Variants in NFIA observed in about 807,000 individuals in gnomAD.
NFIA encodes the protein nuclear factor 1 A-type.
In NFIA, 8 loss-of-function variants were observed where a neutral mutation model predicts 62.8. That is an observed-to-expected ratio of 0.13 (90% CI 0.07 to 0.23). NFIA has a LOEUF of 0.23. NFIA is among the 10% of genes least tolerant of loss of function. The pLI is 1.00. For synonymous variants in NFIA, 235 were observed against 238.1 expected (o/e 0.99, Z 0.12); for missense variants, 410 against 642.1 (o/e 0.64, Z 3.91).
At chr1:61,326,647 C>T (rs891226818) in intron 3 of NFIA, among the ~76,000 whole-genome samples, 2 of 152,136 alleles carry the variant, frequency 1.3e-5, no homozygotes, top group African/African-American at 2.4e-5. Flanking sequence ...GTTACAATCA[C>T]GTACGGCAGG....
chr1:61,234,457 T>C (rs1490134216), intron 2 of NFIA, among the ~76,000 whole-genome samples: 1 of 151,888 alleles, frequency 6.6e-6, no homozygotes, highest in Non-Finnish European at 1.5e-5. Flanking sequence ...CCTTGCGTTA[T>C]GCGGGTATAC....
At chr1:61,376,741 G>A (rs1664168028) in intron 6 of NFIA, among the ~76,000 whole-genome samples, 1 of 152,086 alleles carries the variant, frequency 6.6e-6, no homozygotes, top group South Asian at 2.1e-4. Flanking sequence ...GTATACTAGG[G>A]AAACTACATG....
At position 61,220,857 on chromosome 1, in the gene NFIA, T is replaced by A. The variant is rs546912095; in HGVS notation, c.560-56663T>A. Among the ~76,000 whole-genome samples the A allele has an allele frequency of 2.0e-5, 3 of 152,328 alleles. No individual in the cohort carries two copies. In the South Asian group the frequency reaches 6.2e-4, roughly 32 times the overall value. ...GTAAGTATATTTGAGGTTTAAAAAG[T>A]GTTTTTATTTACATTCTTCTGTTGG... On this transcript the variant is annotated intron_variant, in intron 2 of 10. Transcript: ENST00000403491.
rs924105839 is a variant in NFIA, at chr1:61,459,412, G to T, written c.*4092G>T. On this transcript the variant is annotated 3_prime_UTR_variant, in exon 11 of 11. Coordinates refer to ENST00000403491, the MANE Select transcript of NFIA (RefSeq NM_001134673.4). ...TTTTCTGATCATTCGTGCGCAGAGG[G>T]CCTCCCAGTAATGCCACGCTCTCCA... 1 of 152,246 alleles carries T rather than the reference G, an allele frequency of 6.6e-6. No individual in the cohort carries two copies. Among genetic ancestry groups the T allele is most frequent in the Admixed American group, 6.5e-5 (1 of 15,270 alleles). The allele number at this position is 152,246 out of a possible 1,614,324, so 9.4% of individuals were successfully genotyped here.
chr1:61,083,231 C>T (rs1005159915), intron 1 of NFIA, among the ~76,000 whole-genome samples: 1 of 152,006 alleles, frequency 6.6e-6, no homozygotes, highest in Non-Finnish European at 1.5e-5. Flanking sequence ...GCAGGGATTC[C>T]GTAGTGCCGC....
At chr1:61,250,691 T>C (rs574944580) in intron 2 of NFIA, among the ~76,000 whole-genome samples, 1 of 152,320 alleles carries the variant, frequency 6.6e-6, no homozygotes, top group East Asian at 1.9e-4. Flanking sequence ...TTCTGAAGCC[T>C]ACTTGAAAAT....
chr1:61,332,659 G>GAC, intron 4 of NFIA, 73 bp downstream of exon 4: 1 of 1,290,836 alleles, frequency 7.7e-7, no homozygotes, highest in Non-Finnish European at 1.1e-6. Context: ...AGGACTCCTA[G>GAC]AGACCAAAAA....
At chr1:61,188,866 C>A (rs1487527081) in intron 2 of NFIA, among the ~76,000 whole-genome samples, 1 of 152,174 alleles carries the variant, frequency 6.6e-6, no homozygotes, top group Non-Finnish European at 1.5e-5. Context: ...TTTTCAGATT[C>A]CTGTTTGTCC....
Position 61,460,077 on chromosome 1 carries a change from C to T in NFIA, c.*4757C>T, listed in dbSNP as rs1282659256. 2 of 152,184 alleles carry T rather than the reference C, an allele frequency of 1.3e-5. No individual in the cohort carries two copies. Among genetic ancestry groups the T allele is most frequent in the South Asian group, 2.1e-4 (1 of 4,824 alleles). The allele number at this position is 152,184 out of a possible 1,614,324, so 9.4% of individuals were successfully genotyped here. On this transcript the variant is annotated 3_prime_UTR_variant, in exon 11 of 11. Transcript: ENST00000403491. ...CAGTGGCACCTCAAAACCCACCCTT[C>T]GAGATCTGTCCAAAGACAGTCTCAG... is the stretch of plus-strand genomic sequence containing the variant.
At chr1:61,360,891 A>T (rs1663252058) in intron 6 of NFIA, among the ~76,000 whole-genome samples, 1 of 152,190 alleles carries the variant, frequency 6.6e-6, no homozygotes, top group Non-Finnish European at 1.5e-5. Context: ...AAATGCAAAA[A>T]TGTCTCTTTG....
At chr1:61,383,541 A>G (rs777446543) in intron 7 of NFIA, among the ~76,000 whole-genome samples, 176 bp downstream of exon 7, 15 of 152,226 alleles carry the variant, frequency 9.9e-5, no homozygotes, top group Non-Finnish European at 1.3e-4. Context: ...TTGGCATCAC[A>G]TTTTTTGTCC....
intron 9 of NFIA, among the ~76,000 whole-genome samples, chr1:61,420,422 A>G (rs1159161639): frequency 6.6e-6 from 1 of 151,592 alleles, no homozygotes; most frequent in African/African-American, 2.4e-5. Context: ...AAGATTCGGG[A>G]CATTATTTCA....
At chr1:61,387,087 G>C (rs1664728857) in intron 7 of NFIA, among the ~76,000 whole-genome samples, 1 of 152,124 alleles carries the variant, frequency 6.6e-6, no homozygotes, top group Admixed American at 6.5e-5. Context: ...CACATTGGGG[G>C]TTAGGATTTC....
chr1:61,305,554 A>G (rs1272126219), intron 3 of NFIA, among the ~76,000 whole-genome samples: 2 of 152,214 alleles, frequency 1.3e-5, no homozygotes, highest in African/African-American at 4.8e-5. Flanking sequence ...ACCCCCATGC[A>G]GTCCTGTTAG....
At chr1:61,204,953 G>T (rs1239386769) in intron 2 of NFIA, among the ~76,000 whole-genome samples, 1 of 152,120 alleles carries the variant, frequency 6.6e-6, no homozygotes, top group Non-Finnish European at 1.5e-5. Flanking sequence ...ATTGTATTCT[G>T]TTGGCCCAAA....
chr1:61,266,599 T>C (rs193024726), intron 2 of NFIA, among the ~76,000 whole-genome samples: 3 of 152,066 alleles, frequency 2.0e-5, no homozygotes, highest in Admixed American at 2.0e-4. Context: ...GGTTTCTCCA[T>C]ATTGGCCAGG....
At chr1:61,288,688 G>T (rs1055037845) in intron 3 of NFIA, among the ~76,000 whole-genome samples, 3 of 152,148 alleles carry the variant, frequency 2.0e-5, no homozygotes, top group African/African-American at 7.2e-5. Flanking sequence ...TATAAAGGGG[G>T]ACAGAGCAAG....
intron 3 of NFIA, among the ~76,000 whole-genome samples, chr1:61,296,586 T>C (rs1242985751): frequency 1.3e-5 from 2 of 152,152 alleles, no homozygotes; most frequent in Non-Finnish European, 2.9e-5. Flanking sequence ...GTCTAAAATA[T>C]CTGTCAAGCA....
intron 10 of NFIA, among the ~76,000 whole-genome samples, chr1:61,442,384 A>T (rs1409351486): frequency 2.0e-5 from 3 of 152,204 alleles, no homozygotes; most frequent in Admixed American, 6.5e-5. Flanking sequence ...TTAGATCTGA[A>T]TCTACCTACC....
Sources: allele counts gnomAD v4.1 joint callset (sites outside exome capture counted in the v4.1 genomes callset), GRCh38; gene constraint gnomAD v4.1.1; transcripts MANE v1.5; gene names NCBI Gene and HGNC (gene_info 2026-07-23, HGNC 2026-07-21).